The following RXFP2 variants were observed in gnomAD, a reference collection of about 807,000 sequenced individuals.
The protein encoded by RXFP2 is relaxin receptor 2.
In RXFP2, 68 loss-of-function variants were observed where a neutral mutation model predicts 88.6. The observed-to-expected ratio is 0.77, with a 90% CI of 0.63 to 0.94. The LOEUF (loss-of-function observed/expected upper bound fraction) is 0.94, where lower values mean the gene tolerates loss of function less well. Among genes scored for constraint, RXFP2 ranks in the 40% least tolerant of loss-of-function variants. The pLI, the probability that RXFP2 is intolerant of heterozygous loss-of-function variation, is 0.00. For synonymous variants in RXFP2, 329 were observed against 306.8 expected, an observed-to-expected ratio of 1.07 and a Z score of -0.76; for missense variants, 791 against 893.9, an observed-to-expected ratio of 0.88 and a Z score of 1.47.
At chr13:31,761,199 C>T (rs1409858850) in intron 2 of RXFP2, among the ~76,000 whole-genome samples, 1 of 152,120 alleles carries the variant, frequency 6.6e-6, no homozygotes, top group African/African-American at 2.4e-5. Flanking sequence ...AGTGATCCTC[C>T]CACCTCAGCC....
At chr13:31,796,885 C>T (rs1336215155) in intron 16 of RXFP2, among the ~76,000 whole-genome samples, 1 of 152,180 alleles carries the variant, frequency 6.6e-6, no homozygotes, top group Non-Finnish European at 1.5e-5. Context: ...TGGAAAATTC[C>T]ACACCTGAAG....
intron 5 of RXFP2, among the ~76,000 whole-genome samples, chr13:31,770,316 T>C (rs1198278403): frequency 1.3e-5 from 2 of 152,228 alleles, no homozygotes; most frequent in Non-Finnish European, 2.9e-5. Flanking sequence ...ACATTTGCCA[T>C]CTTTTACTTT....
At chr13:31,761,691 A>T in intron 2 of RXFP2, 33 bp from the exon 3 acceptor site, 1 of 1,446,956 alleles carries the variant, frequency 6.9e-7, no homozygotes, top group Non-Finnish European at 9.7e-7. Context: ...TAGTTTCTAG[A>T]ATAAGTGACA....
chr13:31,752,530 G>T (rs1871716621), intron 1 of RXFP2, among the ~76,000 whole-genome samples: 1 of 150,966 alleles, frequency 6.6e-6, no homozygotes, highest in Admixed American at 6.7e-5. Flanking sequence ...TGCCTGAAAG[G>T]GTAAGATTGC....
intron 1 of RXFP2, among the ~76,000 whole-genome samples, chr13:31,757,894 C>A (rs1212111056): frequency 6.6e-6 from 1 of 152,100 alleles, no homozygotes; most frequent in African/African-American, 2.4e-5. Flanking sequence ...GAGTTTGAGA[C>A]CAGCCTGGCC....
At chr13:31,790,424 A>T (rs1324333401) in intron 14 of RXFP2, among the ~76,000 whole-genome samples, 1 of 152,208 alleles carries the variant, frequency 6.6e-6, no homozygotes, top group Non-Finnish European at 1.5e-5. Context: ...CTTTAATTGG[A>T]TGCCAGATAT....
chr13:31,768,460 G>T (rs1481615437), intron 5 of RXFP2, among the ~76,000 whole-genome samples: 2 of 152,150 alleles, frequency 1.3e-5, no homozygotes, highest in African/African-American at 4.8e-5. Context: ...AGTCTGTGAG[G>T]TGGGGCAGAC....
intron 2 of RXFP2, 106 bp from the exon 3 acceptor site, chr13:31,761,618 A>T: frequency 1.4e-6 from 1 of 737,844 alleles, no homozygotes; most frequent in East Asian, 2.8e-5. Context: ...CAATAATTCT[A>T]TTACTTAAAC....
At chr13:31,787,739 A>G (rs1250652944) in intron 13 of RXFP2, among the ~76,000 whole-genome samples, 1 of 152,156 alleles carries the variant, frequency 6.6e-6, no homozygotes, top group African/African-American at 2.4e-5. Context: ...TCCCGGCTTC[A>G]AGCAATTCTC....
intron 5 of RXFP2, 152 bp from the exon 6 acceptor site, chr13:31,774,468 T>A: frequency 1.5e-6 from 1 of 669,898 alleles, no homozygotes; most frequent in South Asian, 1.6e-5. Context: ...TGGTAGCCAT[T>A]TCTCACTGAC....
intron 1 of RXFP2, among the ~76,000 whole-genome samples, chr13:31,755,988 G>C (rs1351111056): frequency 1.3e-5 from 2 of 152,222 alleles, no homozygotes; most frequent in African/African-American, 4.8e-5. Context: ...GCTGACCCCA[G>C]AGAGGGCCAG....
chr13:31,756,183 T>A (rs1315583616), intron 1 of RXFP2, among the ~76,000 whole-genome samples: 1 of 152,252 alleles, frequency 6.6e-6, no homozygotes, highest in African/African-American at 2.4e-5. Context: ...CAGCAGGTTC[T>A]ACCTCCTTTA....
At chr13:31,745,872 C>A (rs1346225039) in intron 1 of RXFP2, among the ~76,000 whole-genome samples, 2 of 152,122 alleles carry the variant, frequency 1.3e-5, no homozygotes, top group Non-Finnish European at 2.9e-5. Context: ...TATGGGTGAA[C>A]ATACAGACAC....
intron 5 of RXFP2, among the ~76,000 whole-genome samples, chr13:31,772,849 G>A (rs577247453): frequency 9.2e-5 from 14 of 152,280 alleles, no homozygotes; most frequent in African/African-American, 2.6e-4. Context: ...AGACAAAAGC[G>A]TAAGGTCAAA....
intron 11 of RXFP2, among the ~76,000 whole-genome samples, chr13:31,783,413 A>G (rs781385535): frequency 5.3e-5 from 8 of 152,152 alleles, no homozygotes; most frequent in Non-Finnish European, 7.4e-5. Context: ...AGGATAGAAA[A>G]CTCATCTTTC....
chr13:31,753,830 G>C (rs1261166021), intron 1 of RXFP2, among the ~76,000 whole-genome samples: 5 of 150,820 alleles, frequency 3.3e-5, no homozygotes, highest in African/African-American at 1.2e-4. Flanking sequence ...TTTCTAAATG[G>C]CTCATTAATT....
chr13:31,758,517 A>T, intron 2 of RXFP2, 113 bp downstream of exon 2: 56 of 1,274,150 alleles, frequency 4.4e-5, no homozygotes, highest in Non-Finnish European at 4.9e-5. Flanking sequence ...GGTGTTCTGT[A>T]GGGATTTCCT....
At chr13:31,765,244 C>A in intron 4 of RXFP2, 102 bp downstream of exon 4, 1 of 752,904 alleles carries the variant, frequency 1.3e-6, no homozygotes, top group South Asian at 1.5e-5. Flanking sequence ...ATAATAGAAA[C>A]CCTGTTTAAA....
At chr13:31,762,836 G>A (rs1185355229) in intron 3 of RXFP2, among the ~76,000 whole-genome samples, 1 of 152,082 alleles carries the variant, frequency 6.6e-6, no homozygotes, top group Non-Finnish European at 1.5e-5. Context: ...GCCACAATGA[G>A]TTGTCTTGCC....
Sources: gnomAD v4.1 joint callset for allele counts (sites outside exome capture counted in the v4.1 genomes callset) on GRCh38, gnomAD v4.1.1 for gene constraint, MANE v1.5 for transcripts, NCBI Gene and HGNC (gene_info 2026-07-23, HGNC 2026-07-21) for gene names.